SHANK2: variants seen among roughly 807,000 people sequenced by gnomAD.
The protein encoded by SHANK2 is SH3 and multiple ankyrin repeat domains protein 2.
In SHANK2, 43 loss-of-function variants were observed where a neutral mutation model predicts 133.7. That is an observed-to-expected ratio of 0.32 (90% CI 0.25 to 0.41). The LOEUF is 0.41. Among genes scored for constraint, SHANK2 ranks in the 10% least tolerant of loss-of-function variants. SHANK2 has a pLI of 1.00. For missense variants in SHANK2, 1,994 were observed against 2,235.8 expected, an observed-to-expected ratio of 0.89 and a Z score of 2.18; for synonymous variants, 1,017 against 952.8, an observed-to-expected ratio of 1.07 and a Z score of -1.24.
In SHANK2 at chr11:70,746,166, C is replaced by T. The variant is rs1002866912; in HGVS notation, c.1778-47403G>A. On this transcript the variant is annotated intron_variant, in intron 14 of 25. Transcript: ENST00000601538. ...CACGGTCCAGGAGGCTGTGAACTCA[C>T]CCAGCAGATCTGGGGGCAGAGCCCA... Among the ~76,000 whole-genome samples the T allele has an allele frequency of 6.6e-5, 10 of 152,370 alleles. No homozygotes were observed. In the South Asian group the frequency reaches 1.0e-3, roughly 16 times the overall value.
At chr11:71,233,829 C>T (rs1555123292) in intron 1 of SHANK2, among the ~76,000 whole-genome samples, 1 of 151,868 alleles carries the variant, frequency 6.6e-6, no homozygotes, top group East Asian at 1.9e-4. Flanking sequence ...GGGAGGATCA[C>T]TTGAGGTCAG....
chr11:70,555,072 T>G (rs1395045767), intron 17 of SHANK2, among the ~76,000 whole-genome samples: 5 of 152,262 alleles, frequency 3.3e-5, no homozygotes, highest in East Asian at 1.9e-4. Flanking sequence ...TGATCTATAC[T>G]TTTTGATGCT....
chr11:70,573,037 C>T (rs1554983418), intron 17 of SHANK2, among the ~76,000 whole-genome samples: 1 of 152,122 alleles, frequency 6.6e-6, no homozygotes, highest in East Asian at 1.9e-4. Context: ...GGGCCATCGA[C>T]ATGATGACGG....
At position 70,547,766 on chromosome 11, in the gene SHANK2, G is replaced by A. The variant is rs192369778; in HGVS notation, c.2062-44835C>T. 1.8e-4 allele frequency among the ~76,000 whole-genome samples: 28 copies of A among 152,270 alleles called. No individual in the cohort carries two copies. In the East Asian group the frequency reaches 4.6e-3, roughly 25 times the overall value. ...TTGAAAGGCTGAGCTCTTACTCTAC[G>A]TAATTGTCTTCCAAGTGCAAATTAA... On this transcript the variant is annotated intron_variant, in intron 17 of 25. Transcript: ENST00000601538.
intron 15 of SHANK2, chr11:70,661,988 A>G: frequency 1.6e-6 from 1 of 618,652 alleles, no homozygotes; most frequent in Non-Finnish European, 2.9e-6. Flanking sequence ...TGGAGGCTCA[A>G]GGGGGGCTGG....
intron 10 of SHANK2, among the ~76,000 whole-genome samples, chr11:70,938,604 GA>G: frequency 6.6e-6 from 1 of 152,184 alleles, no homozygotes; most frequent in East Asian, 1.9e-4. Flanking sequence ...GGAATGTGCT[GA>G]GCACAGGCAG....
intron 14 of SHANK2, among the ~76,000 whole-genome samples, chr11:70,728,602 C>T (rs1946221501): frequency 6.6e-6 from 1 of 152,204 alleles, no homozygotes; most frequent in Non-Finnish European, 1.5e-5. Flanking sequence ...GATTCTTACC[C>T]AAACAACACA....
chr11:70,787,464 T>A (rs1447547172), intron 14 of SHANK2, among the ~76,000 whole-genome samples: 5 of 116,202 alleles, frequency 4.3e-5, no homozygotes, highest in Non-Finnish European at 9.1e-5. Context: ...ACCACTAGGA[T>A]CACCACTATC....
chr11:71,169,995 A>G (rs10897697), intron 2 of SHANK2, among the ~76,000 whole-genome samples: 39,885 of 151,202 alleles, frequency 0.26, 5,772 homozygotes, highest in South Asian at 0.37. Context: ...CAGCCTGGAC[A>G]TAATAGCAAG....
chr11:71,138,203 A>G (rs1952485898), intron 3 of SHANK2, among the ~76,000 whole-genome samples: 1 of 151,062 alleles, frequency 6.6e-6, no homozygotes, highest in African/African-American at 2.4e-5. Context: ...CACAGCTTCT[A>G]ACGGTAACTA....
intron 10 of SHANK2, among the ~76,000 whole-genome samples, chr11:70,897,364 C>G (rs935729749): frequency 6.6e-6 from 1 of 152,206 alleles, no homozygotes; most frequent in African/African-American, 2.4e-5. Flanking sequence ...ACACATACAT[C>G]TACAATGCGC....
intron 17 of SHANK2, among the ~76,000 whole-genome samples, chr11:70,547,140 G>A (rs1250286978): frequency 1.3e-5 from 2 of 151,974 alleles, no homozygotes; most frequent in Admixed American, 1.3e-4. Flanking sequence ...CCACTCCTGG[G>A]CCCTAAATCC....
chr11:70,930,782 T>G (rs1950492710), intron 10 of SHANK2, among the ~76,000 whole-genome samples: 2 of 148,592 alleles, frequency 1.3e-5, no homozygotes, highest in Non-Finnish European at 3.0e-5. Context: ...GCAATCCTCC[T>G]GCCTCACCCT....
chr11:70,500,612 G>A lies in SHANK2; in HGVS notation c.2288-22C>T, dbSNP rs568525119. On this transcript the variant is annotated intron_variant, in intron 20 of 25. Coordinates refer to ENST00000601538, the MANE Select transcript of SHANK2 (RefSeq NM_012309.5). This position sits in a 1 kb window ranked among gnomAD's most constrained non-coding sequence, Gnocchi z 4.5. ...GAGGCTTGCAAACAGAAAGGGGACCGCCATGAGCCACCAGGATGCAGCGCC... is the reference window on the plus strand; with the variant it reads ...GAGGCTTGCAAACAGAAAGGGGACCACCATGAGCCACCAGGATGCAGCGCC... 24 of 1,598,278 alleles carry A rather than the reference G, an allele frequency of 1.5e-5. No individual in the cohort carries two copies. The highest frequency in any genetic ancestry group is 9.1e-5 in the East Asian group (4 of 44,024).
chr11:70,848,187 T>C (rs1173237976), intron 11 of SHANK2, among the ~76,000 whole-genome samples: 3 of 152,240 alleles, frequency 2.0e-5, no homozygotes, highest in Non-Finnish European at 2.9e-5. Flanking sequence ...TTATCACTGC[T>C]GCCTAAAAAA....
At chr11:70,727,640 C>T (rs782010950) in intron 14 of SHANK2, among the ~76,000 whole-genome samples, 64 of 152,214 alleles carry the variant, frequency 4.2e-4, no homozygotes, top group Non-Finnish European at 4.6e-4. Flanking sequence ...GCTGCTACCC[C>T]TGCTCTGCAT....
At chr11:71,113,499 ATGAC>A in intron 4 of SHANK2, 135 bp from the exon 5 acceptor site, 1 of 748,620 alleles carries the variant, frequency 1.3e-6, no homozygotes, top group South Asian at 1.6e-5. Flanking sequence ...TTTTAAATAA[ATGAC>A]TGGTATTTGC....
At chr11:71,058,833 G>A (rs929200728) in intron 9 of SHANK2, among the ~76,000 whole-genome samples, 4 of 152,368 alleles carry the variant, frequency 2.6e-5, no homozygotes, top group East Asian at 1.9e-4. Flanking sequence ...CCCGGGCCCC[G>A]GGGGAACCCC....
At chr11:71,147,365 A>G in intron 2 of SHANK2, 27 bp from the exon 3 acceptor site, 1 of 1,519,376 alleles carries the variant, frequency 6.6e-7, no homozygotes, top group South Asian at 1.2e-5. Context: ...AGGAAGACAA[A>G]GAACGGGAGA....
Sources: allele counts gnomAD v4.1 joint callset (sites outside exome capture counted in the v4.1 genomes callset), GRCh38; gene constraint gnomAD v4.1.1; non-coding constraint Gnocchi (gnomAD v3.1); transcripts MANE v1.5; gene names NCBI Gene and HGNC (gene_info 2026-07-23, HGNC 2026-07-21).